The following DCC variants were observed in gnomAD, a reference collection of about 807,000 sequenced individuals.
DCC encodes netrin receptor DCC.
In DCC, 58 loss-of-function variants were observed where a neutral mutation model predicts 172.5. The ratio of observed to expected loss-of-function variants is 0.34; its 90% CI spans 0.27 to 0.42. DCC has a LOEUF of 0.42. Among genes scored for constraint, DCC ranks in the 10% least tolerant of loss-of-function variants. The probability of loss-of-function intolerance (pLI) is 1.00; values close to 1 mark genes in which losing one functional copy is unlikely to be tolerated. For missense variants in DCC, 1,740 were observed against 1,791.0 expected (o/e 0.97, Z 0.51); for synonymous variants, 709 against 644.5 (o/e 1.10, Z -1.52).
chr18:53,088,934 A>T (rs898893320), intron 7 of DCC, among the ~76,000 whole-genome samples: 5 of 152,222 alleles, frequency 3.3e-5, no homozygotes, highest in African/African-American at 1.2e-4. Context: ...AGTTTGTGAT[A>T]CTTGATAATA....
intron 1 of DCC, among the ~76,000 whole-genome samples, chr18:52,623,704 T>A (rs2034522152): frequency 6.6e-6 from 1 of 151,718 alleles, no homozygotes; most frequent in Non-Finnish European, 1.5e-5. Flanking sequence ...TGTGTAGCAT[T>A]TTCCCCCTTA....
chr18:52,376,616 G>A, intron 1 of DCC, among the ~76,000 whole-genome samples: 1 of 151,968 alleles, frequency 6.6e-6, no homozygotes, highest in South Asian at 2.1e-4. Context: ...AACATTCCGG[G>A]ACAAACTCCC....
At chr18:53,261,170 C>T (rs1039225623) in intron 12 of DCC, among the ~76,000 whole-genome samples, 1 of 152,158 alleles carries the variant, frequency 6.6e-6, no homozygotes, top group Non-Finnish European at 1.5e-5. Context: ...TGATGCCTCG[C>T]CCTGCTTTGG....
intron 7 of DCC, among the ~76,000 whole-genome samples, chr18:53,127,695 G>A (rs1312175948): frequency 1.3e-5 from 2 of 152,138 alleles, no homozygotes; most frequent in African/African-American, 4.8e-5. Context: ...TTTCTTCAAA[G>A]TAGTTACTTT....
chr18:52,507,032 G>A (rs2031254635), intron 1 of DCC, among the ~76,000 whole-genome samples: 2 of 152,112 alleles, frequency 1.3e-5, no homozygotes, highest in South Asian at 2.1e-4. Flanking sequence ...ATCCAAAGAT[G>A]ATATATTGCA....
At chr18:52,689,116 A>G (rs1568043069) in intron 1 of DCC, among the ~76,000 whole-genome samples, 1 of 152,158 alleles carries the variant, frequency 6.6e-6, no homozygotes, top group Non-Finnish European at 1.5e-5. Context: ...TTTATTAGCC[A>G]TCAATTGGCA....
At position 53,339,760 on chromosome 18, in the gene DCC, A is replaced by G. The variant is rs2057634346; in HGVS notation, c.2212A>G (p.Thr738Ala). 6.2e-7 allele frequency: 1 copy of G among 1,613,950 alleles called. No individual in the cohort carries two copies. The highest frequency in any genetic ancestry group is 8.5e-7 in the Non-Finnish European group (1 of 1,179,952). The change falls in exon 15 of 29, where the codon ACT becomes GCT. Residue 738 changes from threonine (T) to alanine (A), a missense_variant. Physicochemically the swap from Thr to Ala is moderately conservative, Grantham distance 58. Transcript: ENST00000442544. ...QPSSLHVRPQ[T>A]NCIIMSWTPP... The stretch of plus-strand genomic sequence containing the variant: ...AAGCTCTCTTCATGTGAGGCCCCAG[A>G]CTAACTGCATCATCATGAGTTGGAC...
At chr18:53,028,656 C>T (rs372090100) in intron 5 of DCC, among the ~76,000 whole-genome samples, 1 of 152,098 alleles carries the variant, frequency 6.6e-6, no homozygotes, top group Non-Finnish European at 1.5e-5. Context: ...TTTCTCATTG[C>T]AGTTTAATAT....
intron 12 of DCC, among the ~76,000 whole-genome samples, chr18:53,251,685 A>C (rs2056437246): frequency 6.6e-6 from 1 of 151,858 alleles, no homozygotes; most frequent in Non-Finnish European, 1.5e-5. Context: ...GTGTGTGTGC[A>C]TGCAAGTAGA....
At chr18:52,490,788 C>A (rs969202760) in intron 1 of DCC, among the ~76,000 whole-genome samples, 3 of 152,020 alleles carry the variant, frequency 2.0e-5, no homozygotes, top group African/African-American at 2.4e-5. Context: ...ACAGCAAAGA[C>A]CCCACCTCTT....
intron 1 of DCC, among the ~76,000 whole-genome samples, chr18:52,668,752 G>A (rs557188835): frequency 7.9e-5 from 12 of 152,336 alleles, no homozygotes; most frequent in African/African-American, 2.9e-4. Flanking sequence ...CCTACTGAAA[G>A]TTGATGTTTC....
chr18:52,496,293 T>A (rs576772301), intron 1 of DCC, among the ~76,000 whole-genome samples: 1 of 152,148 alleles, frequency 6.6e-6, no homozygotes, highest in Non-Finnish European at 1.5e-5. Context: ...ATCAAGAGTA[T>A]GTACATCAAT....
intron 3 of DCC, among the ~76,000 whole-genome samples, chr18:52,918,404 C>T (rs1332012023): frequency 1.3e-5 from 2 of 152,038 alleles, no homozygotes; most frequent in East Asian, 3.9e-4. Flanking sequence ...TTCACATCTC[C>T]CAGGGCCTTT....
At chr18:53,258,545 G>T (rs2056552735) in intron 12 of DCC, among the ~76,000 whole-genome samples, 1 of 152,030 alleles carries the variant, frequency 6.6e-6, no homozygotes, top group South Asian at 2.1e-4. Context: ...TTAATCCTGA[G>T]TTCTAGTTTG....
At chr18:53,449,173 A>T (rs12957920) in intron 22 of DCC, among the ~76,000 whole-genome samples, 73,355 of 152,032 alleles carry the variant, frequency 0.48, 18,759 homozygotes, top group Non-Finnish European at 0.58. Flanking sequence ...AGGAAAACAT[A>T]CAAATTCCTT....
chr18:52,883,945 C>T (rs950422317), intron 2 of DCC, among the ~76,000 whole-genome samples: 2 of 151,296 alleles, frequency 1.3e-5, no homozygotes, highest in African/African-American at 4.9e-5. Flanking sequence ...ATTTCTCCTT[C>T]TTGCTTGAAA....
chr18:53,234,511 C>T (rs991249415), intron 12 of DCC, among the ~76,000 whole-genome samples: 2 of 152,102 alleles, frequency 1.3e-5, no homozygotes, highest in Non-Finnish European at 2.9e-5. Flanking sequence ...TATCACTCAA[C>T]CCCTGGCCCA....
At chr18:52,953,088 A>AT (rs1555686707) in intron 5 of DCC, among the ~76,000 whole-genome samples, 1 of 143,988 alleles carries the variant, frequency 6.9e-6, no homozygotes, top group Non-Finnish European at 1.5e-5. Flanking sequence ...CGGTATTTTT[A>AT]TCTGTTGTGA....
At chr18:52,948,216 A>G (rs1212126822) in intron 5 of DCC, among the ~76,000 whole-genome samples, 3 of 151,842 alleles carry the variant, frequency 2.0e-5, no homozygotes. Context: ...CTTCATAGGG[A>G]CTCTGCAGAA....
Sources: allele counts gnomAD v4.1 joint callset (sites outside exome capture counted in the v4.1 genomes callset), GRCh38; gene constraint gnomAD v4.1.1; transcripts MANE v1.5; gene names NCBI Gene and HGNC (gene_info 2026-07-23, HGNC 2026-07-21).